The following BRME1 variants were observed in gnomAD, a reference collection of about 807,000 sequenced individuals.
The protein encoded by BRME1 is BRCA2 and MEILB2-associating protein 1.
Under a neutral mutation model 52.6 loss-of-function variants are expected in BRME1, and 31 were observed. The ratio of observed to expected loss-of-function variants is 0.59; its 90% CI spans 0.44 to 0.80. BRME1 has a LOEUF of 0.80. Among genes scored for constraint, BRME1 ranks in the 30% least tolerant of loss-of-function variants. The pLI is 0.00. For synonymous variants in BRME1, 359 were observed against 353.6 expected (o/e 1.02, Z -0.17); for missense variants, 804 against 860.3 (o/e 0.93, Z 0.82).
In BRME1 at chr19:13,890,302, C is replaced by T; in HGVS notation, c.554G>A (p.Gly185Asp). 3 of 1,608,928 alleles carry T rather than the reference C, an allele frequency of 1.9e-6. No homozygotes were observed. The highest frequency in any genetic ancestry group is 2.2e-5 in the South Asian group (2 of 90,310). Reference protein sequence around the residue: ...SSQSPVQAVPGSGDSQPDDPP... With the variant: ...SSQSPVQAVPDSGDSQPDDPP... Reference sequence around the variant, plus strand: ...GTCATCAGGCTGAGAATCCCCACTGCCGGGCACCGCCTGCACAGGGCTCTG... The same window carrying T: ...GTCATCAGGCTGAGAATCCCCACTGTCGGGCACCGCCTGCACAGGGCTCTG... The change falls in exon 6 of 9, where the codon GGC becomes GAC. Residue 185 changes from glycine to aspartate, a missense_variant. Physicochemically the swap from Gly to Asp is moderately conservative, Grantham distance 94. Transcript: ENST00000586783.
At position 13,904,898 on chromosome 19, in the gene BRME1, C is replaced by A. The variant is rs6511898; in HGVS notation, c.-6G>T. On this transcript the variant is annotated 5_prime_UTR_variant, in exon 2 of 9. Transcript: ENST00000586783. ...AGCTTCTTCCTCTTAGTCATTTTAT[C>A]TTCCCCTTGAGAAATCTGAAAACAA... 388,332 of 1,610,288 alleles carry A rather than the reference C, an allele frequency of 0.24. 54,112 individuals carry two copies. Among genetic ancestry groups the A allele is most frequent in the African/African-American group, 0.63 (46,954 of 74,724 alleles).
intron 2 of BRME1, among the ~76,000 whole-genome samples, chr19:13,900,146 G>A (rs1051121401): frequency 2.0e-5 from 3 of 152,162 alleles, no homozygotes; most frequent in African/African-American, 7.2e-5. Flanking sequence ...AATATCAATG[G>A]CATTGAAGAG....
In BRME1 at chr19:13,890,326, T is replaced by TG. The variant is rs752198106; in HGVS notation, c.529dup (p.Gln177ProfsTer16). 2 of 1,602,384 alleles carry TG rather than the reference T, an allele frequency of 1.2e-6. No homozygotes were observed. Among genetic ancestry groups the TG allele is most frequent in the Non-Finnish European group, 1.7e-6 (2 of 1,174,410 alleles). ...GCCGGGCACCGCCTGCACAGGGCTC[T>TG]GGCTGCTCTGCTCAGGGCGGGCACT... On this transcript the variant is annotated frameshift_variant, in exon 6 of 9. Coordinates refer to ENST00000586783, the MANE Select transcript of BRME1 (RefSeq NM_001345843.2). LOFTEE classifies it high-confidence loss of function.
rs977203000 is a variant in BRME1, at chr19:13,883,167, C to T, written c.1856+141G>A. 5.2e-6 allele frequency: 5 copies of T among 963,512 alleles called. No individual in the cohort carries two copies. In the African/African-American group the frequency reaches 8.1e-5, roughly 16 times the overall value. The allele number at this position is 963,512 out of a possible 1,614,324, so 59.7% of individuals were successfully genotyped here. ...TCTGCAAAGGACGGGGGAGGGGGGC[C>T]ACGGTGAGGACCCAGCAGCAGTGAG... On this transcript the variant is annotated intron_variant, in intron 8 of 8. Transcript: ENST00000586783. This position sits in a 1 kb window ranked among gnomAD's most constrained non-coding sequence, Gnocchi z 4.2.
chr19:13,890,510 C>A (rs755156121), intron 5 of BRME1, 48 bp from the exon 6 acceptor site: 1 of 1,431,940 alleles, frequency 7.0e-7, no homozygotes, highest in South Asian at 1.6e-5. Flanking sequence ...TAACCAAGTT[C>A]TCCGAAGAGT....
Position 13,898,785 on chromosome 19 carries a change from T to C in BRME1, c.32-3239A>G, listed in dbSNP as rs536546646. Among the ~76,000 whole-genome samples the C allele has an allele frequency of 5.3e-5, 8 of 151,370 alleles. No homozygotes were observed. The East Asian group carries it at 1.6e-3, about 30-fold the overall frequency. Reference sequence around the variant, plus strand: ...CTAAAAATACAAAATTAGCCGGGCATGGTGGCTCATGCCTGTAATCTCAGC... The same window carrying C: ...CTAAAAATACAAAATTAGCCGGGCACGGTGGCTCATGCCTGTAATCTCAGC... On this transcript the variant is annotated intron_variant, in intron 2 of 8. Coordinates refer to ENST00000586783, the MANE Select transcript of BRME1 (RefSeq NM_001345843.2).
intron 2 of BRME1, among the ~76,000 whole-genome samples, chr19:13,902,038 C>T (rs1970330203): frequency 6.7e-6 from 1 of 149,730 alleles, no homozygotes; most frequent in Non-Finnish European, 1.5e-5. Context: ...AAGACTCTGT[C>T]TCGAAAAAAA....
At chr19:13,887,603 G>A (rs775909314) in intron 6 of BRME1, among the ~76,000 whole-genome samples, 4 of 152,170 alleles carry the variant, frequency 2.6e-5, no homozygotes, top group Admixed American at 6.6e-5. Context: ...CACCACTCAC[G>A]AGACCACAGA....
chr19:13,903,401 G>C (rs563086763), intron 2 of BRME1, among the ~76,000 whole-genome samples: 1 of 152,184 alleles, frequency 6.6e-6, no homozygotes, highest in East Asian at 1.9e-4. Flanking sequence ...GGCCGGGCAC[G>C]GTGGCTCCCA....
chr19:13,890,397 G>T lies in BRME1; in HGVS notation c.459C>A (p.Val153=). ...CCAGCTCCGTGGCCTCCTGGAGGGG[G>T]ACCCCCAGGGTCTCCACTAGCAGCT... The part of the protein sequence containing the change: ...GCQLLVETLG[V]PLQEATELGD... Residue 153 remains valine, a synonymous_variant, in exon 6 of 9, where the codon GTC becomes GTA. Transcript: ENST00000586783. 3 of 1,527,182 alleles carry T rather than the reference G, an allele frequency of 2.0e-6. No individual in the cohort carries two copies. Among genetic ancestry groups the T allele is most frequent in the Non-Finnish European group, 2.6e-6 (3 of 1,144,712 alleles). 94.6% of individuals were successfully genotyped at this position (1,527,182 alleles called of 1,614,324 possible).
chr19:13,882,752 C>T lies in BRME1; in HGVS notation c.*50G>A. On this transcript the variant is annotated 3_prime_UTR_variant, in exon 9 of 9. Coordinates refer to ENST00000586783, the MANE Select transcript of BRME1 (RefSeq NM_001345843.2). ...CCCCCTGGAGCATCTTGGAGGAGGT[C>T]TGCGGACATGGGGGCTGGGTGGCAA... is the stretch of plus-strand genomic sequence containing the variant. 6.2e-7 allele frequency: 1 copy of T among 1,609,394 alleles called. No homozygotes were observed. Among genetic ancestry groups the T allele is most frequent in the Non-Finnish European group, 8.5e-7 (1 of 1,178,620 alleles).
At chr19:13,897,204 A>C (rs935435238) in intron 2 of BRME1, among the ~76,000 whole-genome samples, 5 of 151,524 alleles carry the variant, frequency 3.3e-5, no homozygotes, top group African/African-American at 1.2e-4. Flanking sequence ...ACACCCAGCT[A>C]ATTTTTGTAT....
At position 13,888,454 on chromosome 19, in the gene BRME1, T is replaced by C. The variant is rs1969198619; in HGVS notation, c.1668+734A>G. The C allele has an allele frequency of 1.3e-5, 2 of 152,274 alleles. No individual in the cohort carries two copies. The highest frequency in any genetic ancestry group is 2.9e-5 in the Non-Finnish European group (2 of 68,104). 9.4% of individuals were successfully genotyped at this position (152,274 alleles called of 1,614,324 possible). On this transcript the variant is annotated intron_variant, in intron 6 of 8. Transcript: ENST00000586783. This position sits in a 1 kb window ranked among gnomAD's most constrained non-coding sequence, Gnocchi z 4.1. ...CCTACCTCCCTGGGCGTGACTGTGA[T>C]GCCCTCAGCCCAGGCTCAGGTGTGC...
In BRME1 at chr19:13,889,847, C is replaced by T. The variant is rs765097087; in HGVS notation, c.1009G>A (p.Val337Ile). Residue 337 changes from valine (V) to isoleucine (I), a missense_variant, in exon 6 of 9, where the codon GTT becomes ATT. Val to Ile is a conservative substitution (Grantham distance 29, BLOSUM62 3). Coordinates refer to ENST00000586783, the MANE Select transcript of BRME1 (RefSeq NM_001345843.2). The stretch of plus-strand genomic sequence containing the variant: ...TCTGTGCTCAGGTCTGCGATGACAA[C>T]CATCCCGAGGGAGGAGCATCCCAGG... ...SSLGCSSLGM[V>I]VIADLSTDPT... The T allele has an allele frequency of 1.2e-6, 2 of 1,613,278 alleles. No individual in the cohort carries two copies. Among genetic ancestry groups the T allele is most frequent in the South Asian group, 2.2e-5 (2 of 91,090 alleles).
intron 2 of BRME1, 44 bp downstream of exon 2, chr19:13,904,818 A>G: frequency 6.2e-7 from 1 of 1,600,912 alleles, no homozygotes; most frequent in Non-Finnish European, 8.6e-7. Flanking sequence ...TTCTTCCCAC[A>G]AGCAGAAGCA....
rs1968863727 is a variant in BRME1, at chr19:13,884,593, A to C, written c.1764-1193T>G. Among the ~76,000 whole-genome samples, 4 of 150,428 alleles carry C rather than the reference A, an allele frequency of 2.7e-5. No homozygotes were observed. The South Asian group carries it at 8.4e-4, about 32-fold the overall frequency. On this transcript the variant is annotated intron_variant, in intron 7 of 8. Coordinates refer to ENST00000586783, the MANE Select transcript of BRME1 (RefSeq NM_001345843.2). ...CAGTGAGCTGAGGTTGCACCACTGC[A>C]CTCCAGCCTGGGTGATGGGAGTAAG...
intron 2 of BRME1, among the ~76,000 whole-genome samples, chr19:13,901,144 A>T (rs780469903): frequency 1.3e-4 from 19 of 142,458 alleles, no homozygotes; most frequent in South Asian, 2.3e-4. Context: ...GTTAATTAAA[A>T]TTTTTTTTTT....
chr19:13,893,461 G>A (rs1045758801), intron 3 of BRME1, among the ~76,000 whole-genome samples: 2 of 152,096 alleles, frequency 1.3e-5, no homozygotes, highest in Non-Finnish European at 2.9e-5. Flanking sequence ...CTTGAACTCA[G>A]GAGATGGTGT....
At chr19:13,886,695 G>A (rs1032115950) in intron 6 of BRME1, among the ~76,000 whole-genome samples, 2 of 150,890 alleles carry the variant, frequency 1.3e-5, no homozygotes, top group Admixed American at 6.6e-5. Context: ...CCAGGCTGGG[G>A]ACACCTGTAA....
Sources: allele counts gnomAD v4.1 joint callset (sites outside exome capture counted in the v4.1 genomes callset), GRCh38; gene constraint gnomAD v4.1.1; non-coding constraint Gnocchi (gnomAD v3.1); transcripts MANE v1.5; gene names NCBI Gene and HGNC (gene_info 2026-07-23, HGNC 2026-07-21).